ATP8A2: variants seen among roughly 807,000 people sequenced by gnomAD.
ATP8A2 encodes the protein phospholipid-transporting ATPase IB.
ATP8A2 carries 100 observed loss-of-function variants against 165.6 expected under a neutral mutation model. That is an observed-to-expected ratio of 0.60 (90% CI 0.51 to 0.71). The LOEUF (loss-of-function observed/expected upper bound fraction) is 0.71. ATP8A2 is among the 30% of genes least tolerant of loss of function. The pLI is 0.00. For synonymous variants in ATP8A2, 543 were observed against 548.8 expected (o/e 0.99, Z 0.15); for missense variants, 1,227 against 1,479.5 (o/e 0.83, Z 2.80).
intron 24 of ATP8A2, among the ~76,000 whole-genome samples, chr13:25,619,089 A>G: frequency 6.6e-6 from 1 of 151,768 alleles, no homozygotes; most frequent in African/African-American, 2.4e-5. Context: ...ATTCTCAGGT[A>G]AACTGAAGGA....
At chr13:25,727,996 C>T (rs1170155281) in intron 25 of ATP8A2, among the ~76,000 whole-genome samples, 2 of 152,148 alleles carry the variant, frequency 1.3e-5, no homozygotes, top group African/African-American at 4.8e-5. Flanking sequence ...AATGCCCCCA[C>T]GCTTCTCAGA....
At chr13:25,537,918 C>A in intron 6 of ATP8A2, 70 bp from the exon 7 acceptor site, 1 of 1,038,060 alleles carries the variant, frequency 9.6e-7, no homozygotes, top group Non-Finnish European at 1.5e-6. Context: ...AATATTTAAG[C>A]ACCTTTTTCA....
intron 33 of ATP8A2, among the ~76,000 whole-genome samples, chr13:25,939,557 C>T (rs1422302529): frequency 6.6e-6 from 1 of 152,138 alleles, no homozygotes; most frequent in Admixed American, 6.5e-5. Flanking sequence ...TGACTTTCGC[C>T]ATATTGGGGA....
intron 33 of ATP8A2, among the ~76,000 whole-genome samples, chr13:25,910,364 G>C (rs1954066127): frequency 6.6e-6 from 1 of 152,156 alleles, no homozygotes; most frequent in African/African-American, 2.4e-5. Context: ...GCAGTAGCGA[G>C]CCCTTTCACG....
chr13:25,513,823 G>A (rs1256748464), intron 2 of ATP8A2, among the ~76,000 whole-genome samples: 3 of 152,338 alleles, frequency 2.0e-5, no homozygotes, highest in South Asian at 2.1e-4. Flanking sequence ...CAGGCGTGGC[G>A]GCGCGCGCCT....
intron 35 of ATP8A2, among the ~76,000 whole-genome samples, chr13:25,972,215 C>A (rs900473987): frequency 6.6e-6 from 1 of 152,150 alleles, no homozygotes; most frequent in African/African-American, 2.4e-5. Flanking sequence ...AAAATATTTT[C>A]ATCCAACATT....
chr13:25,655,407 C>T (rs1355530255), intron 24 of ATP8A2, among the ~76,000 whole-genome samples: 3 of 152,212 alleles, frequency 2.0e-5, no homozygotes, highest in Non-Finnish European at 4.4e-5. Flanking sequence ...GATCCACCCA[C>T]CTCGGCCTCC....
rs544312518 is a variant in ATP8A2 at position 25,610,422 on chromosome 13, TGTAA to T, written c.2211+20727_2211+20730del. Among the ~76,000 whole-genome samples, 179 of 152,320 alleles carry T rather than the reference TGTAA, an allele frequency of 1.2e-3. 3 individuals carry two copies. Among genetic ancestry groups the T allele is most frequent in the African/African-American group, 4.0e-3 (166 of 41,592 alleles). ...TTTGCTTTGTCGAGGATCAGTTGGC[TGTAA>T]GTATTTGGCTTTATTTCTGGGTTCT... On this transcript the variant is annotated intron_variant, in intron 24 of 36. Transcript: ENST00000381655.
At chr13:25,843,359 C>CCTA (rs1951788916) in intron 30 of ATP8A2, among the ~76,000 whole-genome samples, 1 of 152,170 alleles carries the variant, frequency 6.6e-6, no homozygotes, top group Non-Finnish European at 1.5e-5. Flanking sequence ...ACAGTAACCT[C>CCTA]CTACTGTAAT....
intron 24 of ATP8A2, among the ~76,000 whole-genome samples, chr13:25,633,425 CAG>C (rs1200600263): frequency 6.6e-6 from 1 of 152,096 alleles, no homozygotes; most frequent in African/African-American, 2.4e-5. Flanking sequence ...CCTTCCTTTA[CAG>C]AGAGAGAGAT....
intron 28 of ATP8A2, among the ~76,000 whole-genome samples, chr13:25,829,019 A>G (rs565008725): frequency 6.6e-6 from 1 of 152,332 alleles, no homozygotes; most frequent in African/African-American, 2.4e-5. Context: ...CAGACATACA[A>G]TAATAAAACC....
chr13:25,487,303 T>C (rs937360035), intron 2 of ATP8A2, among the ~76,000 whole-genome samples: 4 of 152,182 alleles, frequency 2.6e-5, no homozygotes, highest in East Asian at 1.9e-4. Flanking sequence ...ATCGATGATA[T>C]ATAGATCAGG....
At chr13:25,381,142 T>G (rs2032824024) in intron 1 of ATP8A2, among the ~76,000 whole-genome samples, 1 of 152,204 alleles carries the variant, frequency 6.6e-6, no homozygotes, top group African/African-American at 2.4e-5. Context: ...GGAGAGGATC[T>G]TCAACACACT....
intron 28 of ATP8A2, among the ~76,000 whole-genome samples, chr13:25,830,427 C>G (rs930913016): frequency 1.3e-5 from 2 of 152,078 alleles, no homozygotes; most frequent in South Asian, 4.1e-4. Flanking sequence ...GTGAAAGGGT[C>G]TAGGTTACCA....
At chr13:25,709,364 T>G (rs567165243) in intron 25 of ATP8A2, among the ~76,000 whole-genome samples, 1 of 152,358 alleles carries the variant, frequency 6.6e-6, no homozygotes, top group South Asian at 2.1e-4. Context: ...GCATTTTTCC[T>G]TACTCTTGTC....
At chr13:25,970,787 G>A (rs1955894614) in intron 35 of ATP8A2, among the ~76,000 whole-genome samples, 1 of 152,140 alleles carries the variant, frequency 6.6e-6, no homozygotes, top group Non-Finnish European at 1.5e-5. Context: ...GAAGTCGTGG[G>A]CTGTCAGCCT....
At chr13:25,877,407 G>A (rs950597911) in intron 33 of ATP8A2, among the ~76,000 whole-genome samples, 1 of 152,154 alleles carries the variant, frequency 6.6e-6, no homozygotes, top group Admixed American at 6.5e-5. Flanking sequence ...CTCCAATCAT[G>A]GAACATCTGA....
intron 35 of ATP8A2, among the ~76,000 whole-genome samples, chr13:25,995,811 C>T (rs1188693691): frequency 6.6e-6 from 1 of 152,068 alleles, no homozygotes; most frequent in Non-Finnish European, 1.5e-5. Context: ...TGGCGTTTGG[C>T]AGTTCTTTAA....
chr13:25,535,369 C>T (rs962948277), intron 6 of ATP8A2, among the ~76,000 whole-genome samples: 2 of 152,078 alleles, frequency 1.3e-5, no homozygotes, highest in South Asian at 2.1e-4. Flanking sequence ...TGATTGACTT[C>T]GAGAGGATCT....
Sources: allele counts gnomAD v4.1 joint callset (sites outside exome capture counted in the v4.1 genomes callset), GRCh38; gene constraint gnomAD v4.1.1; transcripts MANE v1.5; gene names NCBI Gene and HGNC (gene_info 2026-07-23, HGNC 2026-07-21).